Variants in SAMD5 observed in about 807,000 individuals in gnomAD.
SAMD5 encodes the protein sterile alpha motif domain containing 5.
A neutral mutation model predicts 11.3 loss-of-function variants in SAMD5; 13 were observed. That is an observed-to-expected ratio of 1.15 (90% CI 0.75 to 1.83). The LOEUF (loss-of-function observed/expected upper bound fraction) is 1.83. Ranked by LOEUF, SAMD5 falls within the 40% of genes most tolerant of loss-of-function variation. The pLI, the probability that SAMD5 is intolerant of heterozygous loss-of-function variation, is 0.00. For missense variants in SAMD5, 255 were observed against 239.1 expected, an observed-to-expected ratio of 1.07 and a Z score of -0.44; for synonymous variants, 129 against 111.3, an observed-to-expected ratio of 1.16 and a Z score of -1.00.
At position 147,597,966 on chromosome 6, in the gene SAMD5, G is replaced by A. The variant is rs112665379; in HGVS notation, c.162+88579G>A. On this transcript the variant is annotated intron_variant, in intron 1 of 1. Transcript: ENST00000566741. ...CCCAGCCCTGCACAGCTGCTCCTTC[G>A]GATGGCTCCCTCCTTCCTGGTGCCA... Among the ~76,000 whole-genome samples the A allele has an allele frequency of 5.2e-3, 786 of 152,234 alleles. 8 individuals carry two copies. Among genetic ancestry groups the A allele is most frequent in the African/African-American group, 0.018 (747 of 41,560 alleles).
the SAMD5 span, among the ~76,000 whole-genome samples, chr6:147,953,040 T>G: frequency 8.5e-5 from 13 of 152,312 alleles, no homozygotes; most frequent in East Asian, 2.3e-3. Context: ...TTTTTTAATG[T>G]GCCTTTATCC....
chr6:147,747,999 T>C, the SAMD5 span, among the ~76,000 whole-genome samples: 1 of 152,212 alleles, frequency 6.6e-6, no homozygotes, highest in Non-Finnish European at 1.5e-5. Flanking sequence ...CCTTCTGACT[T>C]AGTCACAGTA....
At chr6:147,834,364 G>A in the SAMD5 span, among the ~76,000 whole-genome samples, 84 of 152,294 alleles carry the variant, frequency 5.5e-4, no homozygotes, top group African/African-American at 1.5e-3. Flanking sequence ...ATCCCCAAAA[G>A]CAGTGTTATT....
At chr6:147,660,067 C>A (rs1790625970) in intron 1 of SAMD5, among the ~76,000 whole-genome samples, 1 of 152,166 alleles carries the variant, frequency 6.6e-6, no homozygotes, top group Non-Finnish European at 1.5e-5. Context: ...ACAACATTGA[C>A]AGGAAGCTTT....
chr6:147,892,601 C>A, the SAMD5 span, among the ~76,000 whole-genome samples: 1 of 152,078 alleles, frequency 6.6e-6, no homozygotes, highest in Non-Finnish European at 1.5e-5. Context: ...ACATCTTTTC[C>A]CCATCTCTCA....
intron 1 of SAMD5, among the ~76,000 whole-genome samples, chr6:147,641,674 A>G (rs1443591415): frequency 6.6e-6 from 1 of 151,406 alleles, no homozygotes; most frequent in Non-Finnish European, 1.5e-5. Context: ...GATGATTCAG[A>G]TCTTAGCTTT....
At chr6:147,672,342 T>C (rs1197171675) in intron 1 of SAMD5, among the ~76,000 whole-genome samples, 2 of 152,172 alleles carry the variant, frequency 1.3e-5, no homozygotes, top group African/African-American at 4.8e-5. Context: ...AATTCTTTAA[T>C]TACAAAATGT....
chr6:147,543,380 G>T (rs896365495), intron 1 of SAMD5, among the ~76,000 whole-genome samples: 3 of 152,136 alleles, frequency 2.0e-5, no homozygotes, highest in African/African-American at 7.2e-5. Context: ...AGTGAGGGCA[G>T]AATTATAGAA....
intron 1 of SAMD5, among the ~76,000 whole-genome samples, chr6:147,695,140 TA>T (rs1316650784): frequency 6.6e-6 from 1 of 152,204 alleles, no homozygotes; most frequent in Non-Finnish European, 1.5e-5. Flanking sequence ...GTGAAACAAA[TA>T]TGTGATATCT....
chr6:147,654,659 T>A (rs1790539383), intron 1 of SAMD5, among the ~76,000 whole-genome samples: 2 of 152,130 alleles, frequency 1.3e-5, no homozygotes, highest in Admixed American at 1.3e-4. Context: ...TATCCTGATG[T>A]AAGTGCCTGT....
chr6:147,874,786 A>G, the SAMD5 span, among the ~76,000 whole-genome samples: 3 of 151,908 alleles, frequency 2.0e-5, no homozygotes, highest in South Asian at 6.2e-4. Context: ...ACAAAAATAA[A>G]TTTGATAATC....
chr6:147,560,774 C>T (rs777286593), intron 1 of SAMD5, among the ~76,000 whole-genome samples: 173 of 152,252 alleles, frequency 1.1e-3, no homozygotes, highest in Non-Finnish European at 2.0e-3. Flanking sequence ...CTTTTACTGC[C>T]TCTCCCTGCT....
downstream of SAMD5, among the ~76,000 whole-genome samples, chr6:147,570,366 T>C (rs542327609): frequency 2.0e-5 from 3 of 152,316 alleles, no homozygotes; most frequent in Non-Finnish European, 4.4e-5. Flanking sequence ...GTGGAGTTTC[T>C]GTACATGTGT....
chr6:147,697,220 C>T (rs751620905), intron 1 of SAMD5, among the ~76,000 whole-genome samples: 4 of 152,162 alleles, frequency 2.6e-5, no homozygotes, highest in African/African-American at 4.8e-5. Flanking sequence ...AGGGTTTAAT[C>T]GGGCGCTGCA....
At chr6:147,667,968 CA>C (rs1483275252) in intron 1 of SAMD5, among the ~76,000 whole-genome samples, 1 of 151,966 alleles carries the variant, frequency 6.6e-6, no homozygotes, top group Non-Finnish European at 1.5e-5. Flanking sequence ...ATATACTTGC[CA>C]TAGGCTTTTG....
the SAMD5 span, among the ~76,000 whole-genome samples, chr6:147,930,592 T>C: frequency 6.6e-6 from 1 of 152,094 alleles, no homozygotes; most frequent in African/African-American, 2.4e-5. Context: ...TTTAGAGAAG[T>C]TGGTAGCATG....
chr6:147,922,392 C>T, the SAMD5 span, among the ~76,000 whole-genome samples: 1 of 152,104 alleles, frequency 6.6e-6, no homozygotes, highest in Non-Finnish European at 1.5e-5. Context: ...ATTGTTACAC[C>T]TCGTAATGTG....
At chr6:147,827,905 T>C in the SAMD5 span, among the ~76,000 whole-genome samples, 1 of 151,690 alleles carries the variant, frequency 6.6e-6, no homozygotes, top group South Asian at 2.1e-4. Flanking sequence ...TTCTCCTGCC[T>C]CAGCCTCCCG....
chr6:147,721,968 A>G (rs1387560361), intron 1 of SAMD5, among the ~76,000 whole-genome samples: 3 of 152,250 alleles, frequency 2.0e-5, no homozygotes, highest in Non-Finnish European at 2.9e-5. Context: ...GAGAAGTGTT[A>G]CAAGTCATAT....
Sources: gnomAD v4.1 joint callset for allele counts (sites outside exome capture counted in the v4.1 genomes callset) on GRCh38, gnomAD v4.1.1 for gene constraint, MANE v1.5 for transcripts, NCBI Gene and HGNC (gene_info 2026-07-23, HGNC 2026-07-21) for gene names.